Variants in ANKS1B observed in about 807,000 individuals in gnomAD.
ANKS1B encodes the protein ankyrin repeat and sterile alpha motif domain-containing protein 1B.
ANKS1B carries 36 observed loss-of-function variants against 148.3 expected under a neutral mutation model. The observed-to-expected ratio is 0.24, with a 90% CI of 0.19 to 0.32. ANKS1B has a LOEUF of 0.32. Ranked by LOEUF, ANKS1B falls within the 10% of genes least tolerant of loss-of-function variation. ANKS1B has a pLI of 1.00. For missense variants in ANKS1B, 1,157 were observed against 1,542.6 expected (o/e 0.75, Z 4.19); for synonymous variants, 542 against 560.8 (o/e 0.97, Z 0.47).
chr12:98,939,256 C>T (rs2099830590), intron 17 of ANKS1B, among the ~76,000 whole-genome samples: 2 of 152,208 alleles, frequency 1.3e-5, no homozygotes, highest in Admixed American at 1.3e-4. Flanking sequence ...ATAGCTGGTA[C>T]ATAAGCATTG....
intron 17 of ANKS1B, among the ~76,000 whole-genome samples, chr12:98,903,139 T>C (rs2099774407): frequency 6.6e-6 from 1 of 152,162 alleles, no homozygotes; most frequent in Non-Finnish European, 1.5e-5. Context: ...AAGAATGACA[T>C]AATAAATATT....
At chr12:99,365,568 C>A (rs529183784) in intron 12 of ANKS1B, among the ~76,000 whole-genome samples, 1 of 152,210 alleles carries the variant, frequency 6.6e-6, no homozygotes, top group South Asian at 2.1e-4. Context: ...GAAATAGGAA[C>A]CCGGGCCCAT....
At chr12:99,275,815 A>G (rs2077602480) in intron 12 of ANKS1B, among the ~76,000 whole-genome samples, 1 of 152,212 alleles carries the variant, frequency 6.6e-6, no homozygotes, top group Non-Finnish European at 1.5e-5. Context: ...AAATGTATAG[A>G]TGGAAAGATG....
chr12:99,941,792 T>C (rs368970711), intron 1 of ANKS1B, among the ~76,000 whole-genome samples: 1 of 152,110 alleles, frequency 6.6e-6, no homozygotes, highest in African/African-American at 2.4e-5. Flanking sequence ...CCTTTCAGAA[T>C]AACACAATAA....
At chr12:99,233,429 A>G (rs1322515012) in intron 14 of ANKS1B, among the ~76,000 whole-genome samples, 1 of 152,100 alleles carries the variant, frequency 6.6e-6, no homozygotes, top group Non-Finnish European at 1.5e-5. Context: ...AAGGATTCTA[A>G]AAATGCAAAC....
At chr12:99,731,317 C>T (rs1165213291) in intron 8 of ANKS1B, among the ~76,000 whole-genome samples, 1 of 152,070 alleles carries the variant, frequency 6.6e-6, no homozygotes, top group African/African-American at 2.4e-5. Flanking sequence ...CGGGGTTTCA[C>T]CACGTTGGCC....
intron 17 of ANKS1B, among the ~76,000 whole-genome samples, chr12:98,937,092 C>T (rs148999398): frequency 1.0e-3 from 154 of 152,296 alleles, no homozygotes; most frequent in Non-Finnish European, 2.1e-3. Flanking sequence ...CTCTCCCTAT[C>T]TGTAGTTGTC....
chr12:99,348,793 G>A (rs1348397086), intron 12 of ANKS1B, among the ~76,000 whole-genome samples: 2 of 151,854 alleles, frequency 1.3e-5, no homozygotes, highest in East Asian at 3.9e-4. Flanking sequence ...AAATGTTAAA[G>A]GGAGTTCTTC....
chr12:99,906,825 G>A (rs1242393642), intron 1 of ANKS1B, among the ~76,000 whole-genome samples: 2 of 148,430 alleles, frequency 1.3e-5, no homozygotes, highest in Admixed American at 6.8e-5. Context: ...TTGTAGTGCC[G>A]GGAGTATGGG....
intron 8 of ANKS1B, among the ~76,000 whole-genome samples, chr12:99,715,885 A>C (rs1373747018): frequency 6.6e-6 from 1 of 152,194 alleles, no homozygotes; most frequent in African/African-American, 2.4e-5. Context: ...GAAACAAAGA[A>C]GACACATTTT....
At chr12:99,807,779 G>A (rs1036466956) in intron 3 of ANKS1B, among the ~76,000 whole-genome samples, 6 of 151,990 alleles carry the variant, frequency 3.9e-5, no homozygotes, top group African/African-American at 4.8e-5. Context: ...TGGTAGGACC[G>A]GGATTTGAAC....
chr12:99,196,228 C>G (rs148917956), intron 14 of ANKS1B, among the ~76,000 whole-genome samples: 1 of 152,132 alleles, frequency 6.6e-6, no homozygotes, highest in African/African-American at 2.4e-5. Flanking sequence ...ATTCAAAGTA[C>G]CTACTGTAGT....
At chr12:99,760,413 A>T (rs7980435) in intron 8 of ANKS1B, among the ~76,000 whole-genome samples, 32,725 of 151,762 alleles carry the variant, frequency 0.22, 3,752 homozygotes, top group Non-Finnish European at 0.26. Context: ...AAATCTTTTC[A>T]ATTTCATGAA....
intron 14 of ANKS1B, among the ~76,000 whole-genome samples, chr12:99,195,578 C>A (rs2081291500): frequency 6.6e-6 from 1 of 151,982 alleles, no homozygotes; most frequent in African/African-American, 2.4e-5. Flanking sequence ...GAATGTAGGG[C>A]AAATTTCTAA....
At chr12:98,979,234 T>G (rs371470116) in intron 17 of ANKS1B, among the ~76,000 whole-genome samples, 1 of 152,004 alleles carries the variant, frequency 6.6e-6, no homozygotes, top group African/African-American at 2.4e-5. Context: ...TGTGTAGACC[T>G]GAGTTTTTAT....
intron 11 of ANKS1B, among the ~76,000 whole-genome samples, chr12:99,438,256 A>G (rs958645510): frequency 6.6e-6 from 1 of 151,960 alleles, no homozygotes; most frequent in Non-Finnish European, 1.5e-5. Context: ...ATTAAATTAT[A>G]TTAGGTACTC....
At chr12:99,817,406 G>A (rs1375851759) in intron 2 of ANKS1B, among the ~76,000 whole-genome samples, 3 of 151,150 alleles carry the variant, frequency 2.0e-5, no homozygotes, top group Non-Finnish European at 1.5e-5. Context: ...TACTTTATCT[G>A]TTCACTTGTT....
At chr12:99,467,680 C>T (rs1335736956) in intron 10 of ANKS1B, among the ~76,000 whole-genome samples, 2 of 152,052 alleles carry the variant, frequency 1.3e-5, no homozygotes, top group African/African-American at 4.8e-5. Flanking sequence ...GAGTGAACTC[C>T]CATTCACAAT....
intron 8 of ANKS1B, among the ~76,000 whole-genome samples, chr12:99,679,539 A>AGCAGTT (rs1330773984): frequency 6.6e-6 from 1 of 152,078 alleles, no homozygotes; most frequent in Non-Finnish European, 1.5e-5. Context: ...CAAACTCCTG[A>AGCAGTT]CTTCAAGTGA....
Sources: gnomAD v4.1 joint callset for allele counts (sites outside exome capture counted in the v4.1 genomes callset) on GRCh38, gnomAD v4.1.1 for gene constraint, MANE v1.5 for transcripts, NCBI Gene and HGNC (gene_info 2026-07-23, HGNC 2026-07-21) for gene names.